POU6F1: variants seen among roughly 807,000 people sequenced by gnomAD.
POU6F1 encodes POU class 6 homeobox 1.
A neutral mutation model predicts 28.9 loss-of-function variants in POU6F1; 9 were observed. That is an observed-to-expected ratio of 0.31 (90% CI 0.19 to 0.54). The LOEUF (loss-of-function observed/expected upper bound fraction) is 0.54, where lower values mean the gene tolerates loss of function less well. Among genes scored for constraint, POU6F1 ranks in the 20% least tolerant of loss-of-function variants. The probability of loss-of-function intolerance (pLI) is 0.94; values close to 1 mark genes in which losing one functional copy is unlikely to be tolerated. For synonymous variants in POU6F1, 173 were observed against 171.1 expected, an observed-to-expected ratio of 1.01 and a Z score of -0.09; for missense variants, 338 against 426.1, an observed-to-expected ratio of 0.79 and a Z score of 1.82.
intron 1 of POU6F1, among the ~76,000 whole-genome samples, chr12:51,208,395 T>C (rs541321641): frequency 6.6e-6 from 1 of 152,346 alleles, no homozygotes; most frequent in East Asian, 1.9e-4. Flanking sequence ...GAGTGCATAT[T>C]GTATGCTAGA....
chr12:51,191,238 G>A (rs1370787098), intron 10 of POU6F1, among the ~76,000 whole-genome samples: 2 of 152,218 alleles, frequency 1.3e-5, no homozygotes, highest in Admixed American at 6.5e-5. Flanking sequence ...ATGAGGTATG[G>A]TGGGTTACAG....
chr12:51,211,370 C>A (rs1339108277), intron 1 of POU6F1, among the ~76,000 whole-genome samples: 3 of 152,222 alleles, frequency 2.0e-5, no homozygotes, highest in Non-Finnish European at 4.4e-5. Flanking sequence ...TTGAAAAACG[C>A]CTGGATCAGG....
At chr12:51,191,878 G>A (rs1942440386) in intron 9 of POU6F1, 114 bp from the exon 10 acceptor site, 1 of 1,301,354 alleles carries the variant, frequency 7.7e-7, no homozygotes, top group Admixed American at 1.8e-5. Flanking sequence ...CCTGGGAAAA[G>A]GCTCACGCAC....
At chr12:51,191,149 C>G (rs1272324106) in intron 10 of POU6F1, among the ~76,000 whole-genome samples, 1 of 152,204 alleles carries the variant, frequency 6.6e-6, no homozygotes, top group Non-Finnish European at 1.5e-5. Flanking sequence ...GGCACCAAAA[C>G]TAGTTTGTAG....
chr12:51,201,559 A>T (rs1216093495), intron 3 of POU6F1: 5 of 151,456 alleles, frequency 3.3e-5, no homozygotes, highest in African/African-American at 1.2e-4. Context: ...AAAATTAGCA[A>T]ACATAAGGAG....
rs146422113 is a variant in POU6F1 at position 51,208,661 on chromosome 12, A to G, written c.-47-1778T>C. Among the ~76,000 whole-genome samples, 567 of 152,300 alleles carry G rather than the reference A, an allele frequency of 3.7e-3. 1 individual carries two copies. Among genetic ancestry groups the G allele is most frequent in the Admixed American group, 7.2e-3 (110 of 15,296 alleles). ...GTAATTAGGAATGGGATTAGTGCCCATATAAAAAAGAACCAAGGCTCATGC... is the reference window on the plus strand; with the variant it reads ...GTAATTAGGAATGGGATTAGTGCCCGTATAAAAAAGAACCAAGGCTCATGC... On this transcript the variant is annotated intron_variant, in intron 1 of 10. Coordinates refer to ENST00000333640, the MANE Select transcript of POU6F1 (RefSeq NM_001330422.2).
chr12:51,215,128 A>C (rs1021922891), intron 1 of POU6F1, among the ~76,000 whole-genome samples: 2 of 152,154 alleles, frequency 1.3e-5, no homozygotes, highest in African/African-American at 4.8e-5. Flanking sequence ...AAAACAATTG[A>C]AGATACGAGG....
intron 1 of POU6F1, among the ~76,000 whole-genome samples, chr12:51,213,206 G>A (rs1944118026): frequency 6.6e-6 from 1 of 152,152 alleles, no homozygotes; most frequent in African/African-American, 2.4e-5. Flanking sequence ...CAAAGTGCTG[G>A]GATTACAGGC....
chr12:51,199,433 G>A lies in POU6F1; in HGVS notation c.366+314C>T, dbSNP rs193197122. On this transcript the variant is annotated intron_variant, in intron 4 of 10. Coordinates refer to ENST00000333640, the MANE Select transcript of POU6F1 (RefSeq NM_001330422.2). The surrounding 1 kb of genome is among the most constrained non-coding windows in gnomAD (Gnocchi z 4.1). ...TCTTACAGGCATCCACTGGAGGGCC[G>A]GCAAGGGTATTCATTCATTTAGTCA... is the stretch of plus-strand genomic sequence containing the variant. 7.2e-5 allele frequency among the ~76,000 whole-genome samples: 11 copies of A among 152,272 alleles called. No homozygotes were observed. In the East Asian group the frequency reaches 1.5e-3, roughly 21 times the overall value.
In POU6F1 at chr12:51,215,383, C is replaced by T. The variant is rs12311780; in HGVS notation, c.-48+2259G>A. 5.0e-3 allele frequency among the ~76,000 whole-genome samples: 761 copies of T among 151,616 alleles called. 7 individuals are homozygous for T. Among genetic ancestry groups the T allele is most frequent in the African/African-American group, 0.017 (716 of 41,322 alleles). ...CAGCTTGGCCAACATGGTGAAACCC[C>T]GTCTCTACTGAAAATACAAAAATTA... On this transcript the variant is annotated intron_variant, in intron 1 of 10. Coordinates refer to ENST00000333640, the MANE Select transcript of POU6F1 (RefSeq NM_001330422.2).
At position 51,187,656 on chromosome 12, in the gene POU6F1, G is replaced by C. The variant is rs1942109526; in HGVS notation, c.*2591C>G. ...TCTGAATGACCAATCCATCATTCCA[G>C]CAGAGGAGAAATGGTTTAGTTTTAG... is the stretch of plus-strand genomic sequence containing the variant. On this transcript the variant is annotated 3_prime_UTR_variant, in exon 11 of 11. Coordinates refer to ENST00000333640, the MANE Select transcript of POU6F1 (RefSeq NM_001330422.2). The C allele has an allele frequency of 6.6e-6, 1 of 152,198 alleles. No individual in the cohort carries two copies. Among genetic ancestry groups the C allele is most frequent in the African/African-American group, 2.4e-5 (1 of 41,440 alleles). 9.4% of individuals were successfully genotyped at this position (152,198 alleles called of 1,614,324 possible).
intron 3 of POU6F1, among the ~76,000 whole-genome samples, chr12:51,203,090 C>T (rs76318555): frequency 0.013 from 1,999 of 152,078 alleles, 51 homozygotes; most frequent in African/African-American, 0.046. Context: ...GAGGAGGAGG[C>T]GTTTGTGAAA....
chr12:51,189,355 T>C lies in POU6F1; in HGVS notation c.*892A>G, dbSNP rs1348977416. ...TTCCTTTCCTTATTTTTCTCCAGAG[T>C]TGCCCGTTTGCTTGCATATCCAGTC... On this transcript the variant is annotated 3_prime_UTR_variant, in exon 11 of 11. Coordinates refer to ENST00000333640, the MANE Select transcript of POU6F1 (RefSeq NM_001330422.2). The C allele has an allele frequency of 6.6e-6, 1 of 152,158 alleles. No homozygotes were observed. The highest frequency in any genetic ancestry group is 2.1e-4 in the South Asian group (1 of 4,826). The allele number at this position is 152,158 out of a possible 1,614,324, so 9.4% of individuals were successfully genotyped here. A position where few individuals can be genotyped will look rare whatever the true frequency, so the allele number is the denominator to read the frequency against.
rs761023007 is a variant in POU6F1 at position 51,192,351 on chromosome 12, T to G, written c.1300A>C (p.Thr434Pro). ...TTACTGGACACCAACTGGCTGACGG[T>G]GGGGGTCTCTGAGCAGGTAATTGGG... ...PIPITCSETPTVSQLVSKPHT... is the reference protein window; with the variant it reads ...PIPITCSETPPVSQLVSKPHT... The change falls in exon 9 of 11, where the codon ACC (threonine) becomes CCC (proline). Residue 434 changes from threonine to proline, a missense_variant. Physicochemically the swap from Thr to Pro is conservative, Grantham distance 38. Transcript: ENST00000333640. 2 of 1,613,884 alleles carry G rather than the reference T, an allele frequency of 1.2e-6. No individual in the cohort carries two copies. The highest frequency in any genetic ancestry group is 2.2e-5 in the East Asian group (1 of 44,870).
chr12:51,212,502 C>T (rs1353331588), intron 1 of POU6F1, among the ~76,000 whole-genome samples: 4 of 149,476 alleles, frequency 2.7e-5, no homozygotes, highest in African/African-American at 9.8e-5. Context: ...TAGTCCAGGC[C>T]GGGCGTGGTG....
intron 3 of POU6F1, among the ~76,000 whole-genome samples, chr12:51,201,107 A>G (rs1008112190): frequency 1.5e-4 from 23 of 152,200 alleles, no homozygotes; most frequent in African/African-American, 5.3e-4. Context: ...TTTTTCCTTC[A>G]AAGCTCCCCC....
intron 1 of POU6F1, among the ~76,000 whole-genome samples, chr12:51,210,883 C>T (rs1012136670): frequency 6.6e-6 from 1 of 152,220 alleles, no homozygotes; most frequent in African/African-American, 2.4e-5. Flanking sequence ...GCTCCTATTA[C>T]ACATGTATGT....
At chr12:51,205,624 TCA>T (rs1409296290) in intron 2 of POU6F1, among the ~76,000 whole-genome samples, 5 of 152,308 alleles carry the variant, frequency 3.3e-5, no homozygotes, top group African/African-American at 1.2e-4. Context: ...GAAATCACTC[TCA>T]CAACACACTC....
chr12:51,214,306 G>A (rs937121419), intron 1 of POU6F1, among the ~76,000 whole-genome samples: 1 of 152,046 alleles, frequency 6.6e-6, no homozygotes. Context: ...TATGTACATA[G>A]AGGTAGAGAG....
Sources: gnomAD v4.1 joint callset for allele counts (sites outside exome capture counted in the v4.1 genomes callset) on GRCh38, gnomAD v4.1.1 for gene constraint, Gnocchi (gnomAD v3.1) non-coding constraint, MANE v1.5 for transcripts, NCBI Gene and HGNC (gene_info 2026-07-23, HGNC 2026-07-21) for gene names.